The following XIST variants were observed in gnomAD, a reference collection of about 807,000 sequenced individuals.
The protein encoded by XIST is X inactive specific transcript.
exon 6 of XIST, chrX:73,827,136 GT>G (rs1479231939): frequency 1.1e-5 from 6 of 556,458 alleles, no homozygotes; most frequent in Non-Finnish European, 1.9e-5. Context: ...CCCTACTTGA[GT>G]TCTGGGTTTT....
intron 3 of XIST, among the ~76,000 whole-genome samples, chrX:73,832,812 T>C (rs766871617): frequency 2.8e-4 from 31 of 111,456 alleles, no homozygotes; most frequent in African/African-American, 1.0e-3. Flanking sequence ...GAACTCATTA[T>C]GTAAAGTTAA....
intron 2 of XIST, among the ~76,000 whole-genome samples, chrX:73,836,341 CAAG>C (rs894634844): frequency 1.8e-5 from 2 of 111,547 alleles, no homozygotes; most frequent in Non-Finnish European, 3.8e-5. Context: ...TTTCTAGTTT[CAAG>C]AATACCCTAC....
chrX:73,831,072 G>C (rs374081475), exon 4 of XIST: 1 of 556,108 alleles, frequency 1.8e-6, no homozygotes, highest in Non-Finnish European at 3.2e-6. Context: ...GCACCTTGAC[G>C]TGTGGTGGTT....
chrX:73,836,575 T>C (rs958762594), intron 2 of XIST, among the ~76,000 whole-genome samples: 1 of 111,879 alleles, frequency 8.9e-6, no homozygotes, highest in Non-Finnish European at 1.9e-5. Flanking sequence ...GATGGTTATA[T>C]ATATTTATAG....
At chrX:73,852,523 A>G (rs1922977853) in exon 1 of XIST, 1 of 538,514 alleles carries the variant, frequency 1.9e-6, no homozygotes, top group Admixed American at 2.4e-5. Flanking sequence ...TTAAAAAAAT[A>G]TGGAGGACGT....
chrX:73,850,990 C>T, exon 1 of XIST: 1 of 559,479 alleles, frequency 1.8e-6, no homozygotes, highest in Non-Finnish European at 3.2e-6. Flanking sequence ...CCACTTCTTT[C>T]TCCTGACTGG....
intron 5 of XIST, chrX:73,828,792 G>A: frequency 4.9e-6 from 1 of 203,075 alleles, no homozygotes; most frequent in Non-Finnish European, 9.1e-6. Flanking sequence ...CAACGTTTAA[G>A]GCTCTAAGAA....
chrX:73,847,213 G>A (rs1922794325), exon 1 of XIST: 1 of 556,776 alleles, frequency 1.8e-6, no homozygotes, highest in Non-Finnish European at 3.2e-6. Flanking sequence ...GTGAATTCAG[G>A]CTAGTTAGAA....
At chrX:73,833,275 T>C (rs773317455) in exon 3 of XIST, 9 of 556,763 alleles carry the variant, frequency 1.6e-5, no homozygotes, top group Non-Finnish European at 2.9e-5. Context: ...TCCAAGTAGA[T>C]TAGCTGGAGC....
chrX:73,847,529 T>C, exon 1 of XIST: 2 of 514,033 alleles, frequency 3.9e-6, no homozygotes, highest in Admixed American at 2.6e-5. Flanking sequence ...CTCAGGGCAA[T>C]TTTGCATAAT....
chrX:73,825,873 A>C (rs1028435776), exon 6 of XIST: 2 of 556,923 alleles, frequency 3.6e-6, no homozygotes, highest in Non-Finnish European at 6.5e-6. Flanking sequence ...CTTCCCACAT[A>C]AACAGGAAGA....
chrX:73,827,178 G>T (rs1922276395), exon 6 of XIST: 1 of 556,301 alleles, frequency 1.8e-6, no homozygotes, highest in African/African-American at 2.3e-5. Flanking sequence ...TTTGGTCTTG[G>T]ATCATCTCAC....
At chrX:73,826,981 G>C (rs1008297811) in exon 6 of XIST, 1 of 556,702 alleles carries the variant, frequency 1.8e-6, no homozygotes, top group Non-Finnish European at 3.2e-6. Flanking sequence ...TGTTTTCTTG[G>C]CTCTTGAGGC....
Position 73,840,539 on chromosome X carries a change from T to C in XIST, n.11342+843A>G, listed in dbSNP as rs181679521. Among the ~76,000 whole-genome samples the C allele has an allele frequency of 6.3e-5, 7 of 111,526 alleles. No homozygotes were observed. In the East Asian group the frequency reaches 2.0e-3, roughly 31 times the overall value. On this transcript the variant is annotated intron_variant and non_coding_transcript_variant, in intron 1 of 5. Coordinates refer to ENST00000429829, the Ensembl canonical transcript of XIST. ...TTACGAAAGGTGGGAGGAAAGAAGGTATATAAACTACAGCATAAAGTAGGC... is the reference window on the plus strand; with the variant it reads ...TTACGAAAGGTGGGAGGAAAGAAGGCATATAAACTACAGCATAAAGTAGGC...
chrX:73,850,749 TGGGGGGGTTGGGGGGTG>T, exon 1 of XIST: 1 of 150,975 alleles, frequency 6.6e-6, no homozygotes, highest in Middle Eastern at 1.7e-3. Context: ...GGTGGGGAGT[TGGGGGGGTTGGGGGGTG>T]GGGGGGGAGG....
In XIST at chrX:73,844,179, G is replaced by A. The variant is rs763328441; in HGVS notation, n.8545C>T. The A allele has an allele frequency of 8.9e-6, 5 of 558,684 alleles. No individual in the cohort carries two copies. In the South Asian group the frequency reaches 1.1e-4, roughly 12 times the overall value. 46.0% of individuals were successfully genotyped at this position (558,684 alleles called of 1,213,427 possible). A position where few individuals can be genotyped will look rare whatever the true frequency, so the allele number is the denominator to read the frequency against. ...GCATGTCAACAAGCCAAGAAAAGGG[G>A]ACTTAGGGGGTCAGCAACCCTGGTA... On this transcript the variant is annotated non_coding_transcript_exon_variant, in exon 1 of 6. Coordinates refer to ENST00000429829, the Ensembl canonical transcript of XIST.
chrX:73,822,909 C>G (rs780587704), exon 6 of XIST: 1 of 556,790 alleles, frequency 1.8e-6, no homozygotes, highest in East Asian at 3.3e-5. Context: ...TAAAGAAACA[C>G]AGTCTCTTAG....
chrX:73,844,130 A>G (rs1569512361), exon 1 of XIST: 2 of 556,814 alleles, frequency 3.6e-6, no homozygotes, highest in Non-Finnish European at 3.2e-6. Flanking sequence ...TCTAGGGCAC[A>G]AGAACCAACA....
At chrX:73,850,469 C>T in exon 1 of XIST, 1 of 546,315 alleles carries the variant, frequency 1.8e-6, no homozygotes, top group Non-Finnish European at 3.3e-6. Context: ...GTATGACTGA[C>T]ATCCAAAAGA....
Sources: allele counts gnomAD v4.1 joint callset (sites outside exome capture counted in the v4.1 genomes callset), GRCh38; gene constraint gnomAD v4.1.1; transcripts MANE v1.5; gene names NCBI Gene and HGNC (gene_info 2026-07-23, HGNC 2026-07-21).